The following SPIDR variants were observed in gnomAD, a reference collection of about 807,000 sequenced individuals.
The protein encoded by SPIDR is DNA repair-scaffolding protein.
A neutral mutation model predicts 104.6 loss-of-function variants in SPIDR; 93 were observed. The ratio of observed to expected loss-of-function variants is 0.89; its 90% confidence interval spans 0.75 to 1.06. The LOEUF is 1.06. SPIDR is among the 50% of genes least tolerant of loss of function. The pLI is 0.00. For missense variants in SPIDR, 1,154 were observed against 1,111.2 expected (o/e 1.04, Z -0.55); for synonymous variants, 431 against 416.9 (o/e 1.03, Z -0.41).
At chr8:47,452,730 T>C (rs1031467932) in intron 8 of SPIDR, among the ~76,000 whole-genome samples, 1 of 152,118 alleles carries the variant, frequency 6.6e-6, no homozygotes, top group Non-Finnish European at 1.5e-5. Flanking sequence ...TAAGAGCTAT[T>C]TATGACAGAC....
chr8:47,603,559 ATTTT>A (rs554738300), intron 10 of SPIDR, among the ~76,000 whole-genome samples: 1 of 133,548 alleles, frequency 7.5e-6, no homozygotes, highest in Non-Finnish European at 1.6e-5. Context: ...TACCCAGCTA[ATTTT>A]TTTTTTTTTT....
Position 47,279,304 on chromosome 8 carries a change from G to T in SPIDR, c.34-558G>T, listed in dbSNP as rs1554556681. 199 of 152,960 alleles carry T rather than the reference G, an allele frequency of 1.3e-3. 3 individuals carry two copies. Among genetic ancestry groups the T allele is most frequent in the Non-Finnish European group, 1.9e-3 (132 of 68,632 alleles). 9.5% of individuals were successfully genotyped at this position (152,960 alleles called of 1,614,324 possible). ...GACTCTGCTCATCTGGACCTTTTCT[G>T]TGTGTCTGCCACCCCTGTGCTGCTG... On this transcript the variant is annotated intron_variant, in intron 1 of 19. Coordinates refer to ENST00000297423, the MANE Select transcript of SPIDR (RefSeq NM_001080394.4).
intron 1 of SPIDR, among the ~76,000 whole-genome samples, chr8:47,266,562 C>G (rs2034097355): frequency 6.6e-6 from 1 of 152,166 alleles, no homozygotes; most frequent in African/African-American, 2.4e-5. Flanking sequence ...AATAAAACTG[C>G]TATAAACATT....
At chr8:47,417,797 T>A (rs2064631053) in intron 7 of SPIDR, among the ~76,000 whole-genome samples, 1 of 152,208 alleles carries the variant, frequency 6.6e-6, no homozygotes, top group Non-Finnish European at 1.5e-5. Context: ...AATTAATTTT[T>A]GTATAAGGTG....
chr8:47,393,777 T>C (rs1340212984), intron 5 of SPIDR, among the ~76,000 whole-genome samples: 4 of 150,268 alleles, frequency 2.7e-5, no homozygotes, highest in Non-Finnish European at 5.9e-5. Context: ...CTTTCTTTTC[T>C]TTTCCTTCCC....
At chr8:47,309,394 G>T (rs1382206788) in intron 5 of SPIDR, among the ~76,000 whole-genome samples, 1 of 152,062 alleles carries the variant, frequency 6.6e-6, no homozygotes, top group South Asian at 2.1e-4. Context: ...CATTATCTTA[G>T]TATAGCATTT....
intron 9 of SPIDR, 40 bp downstream of exon 9, chr8:47,596,046 A>G: frequency 1.3e-6 from 2 of 1,553,088 alleles, no homozygotes; most frequent in South Asian, 1.2e-5. Flanking sequence ...GCTTGTAATA[A>G]TGTTAGTGAC....
chr8:47,495,461 A>G (rs1051680094), intron 8 of SPIDR, among the ~76,000 whole-genome samples: 9 of 152,082 alleles, frequency 5.9e-5, no homozygotes, highest in South Asian at 2.1e-4. Flanking sequence ...GTGGTTTTTT[A>G]TATACTCACA....
At chr8:47,396,675 T>TA in intron 6 of SPIDR, 49 bp downstream of exon 6, 2 of 1,510,638 alleles carry the variant, frequency 1.3e-6, no homozygotes, top group Non-Finnish European at 1.8e-6. Context: ...TCTCTTTCTT[T>TA]AAAAACCCAA....
intron 8 of SPIDR, among the ~76,000 whole-genome samples, chr8:47,450,012 A>T (rs1427684369): frequency 6.6e-6 from 1 of 152,074 alleles, no homozygotes; most frequent in Non-Finnish European, 1.5e-5. Context: ...AAAAATACAA[A>T]AATTAGCCAG....
At chr8:47,565,062 C>T (rs1448932973) in intron 8 of SPIDR, among the ~76,000 whole-genome samples, 1 of 152,050 alleles carries the variant, frequency 6.6e-6, no homozygotes, top group Non-Finnish European at 1.5e-5. Context: ...GCCTGACCAA[C>T]ATGGAGAAAC....
At chr8:47,329,730 A>G (rs1192158830) in intron 5 of SPIDR, among the ~76,000 whole-genome samples, 8 of 152,170 alleles carry the variant, frequency 5.3e-5, no homozygotes, top group African/African-American at 1.9e-4. Context: ...AGAAGGGAAA[A>G]GAAAGGAGAG....
chr8:47,569,638 C>T (rs1476674678), intron 8 of SPIDR, among the ~76,000 whole-genome samples: 3 of 152,048 alleles, frequency 2.0e-5, no homozygotes, highest in African/African-American at 4.8e-5. Flanking sequence ...GGAGTTTCTA[C>T]CCAGGACAAT....
At chr8:47,732,962 G>T (rs76318439) in intron 19 of SPIDR, among the ~76,000 whole-genome samples, 3,238 of 152,278 alleles carry the variant, frequency 0.021, 87 homozygotes, top group East Asian at 0.082. Context: ...AAAAGTTAAA[G>T]GAACATATAT....
intron 5 of SPIDR, among the ~76,000 whole-genome samples, chr8:47,346,718 T>C (rs1486072302): frequency 1.3e-5 from 2 of 152,364 alleles, no homozygotes; most frequent in South Asian, 2.1e-4. Flanking sequence ...AATTTACCCA[T>C]TTCTTCTAGA....
intron 8 of SPIDR, among the ~76,000 whole-genome samples, chr8:47,576,243 C>T (rs886319599): frequency 7.9e-5 from 12 of 151,802 alleles, no homozygotes; most frequent in South Asian, 2.1e-4. Context: ...CCTCCGCCTC[C>T]GGGGTTCAAG....
intron 8 of SPIDR, among the ~76,000 whole-genome samples, chr8:47,501,972 CCTTG>C (rs2080539732): frequency 1.3e-5 from 2 of 152,140 alleles, no homozygotes; most frequent in Admixed American, 1.3e-4. Context: ...GTTGAACCAG[CCTTG>C]CATCCCAGGG....
intron 16 of SPIDR, among the ~76,000 whole-genome samples, chr8:47,716,809 G>A (rs2082648197): frequency 6.6e-6 from 1 of 152,178 alleles, no homozygotes; most frequent in African/African-American, 2.4e-5. Context: ...GCTGGGAGCA[G>A]TTATAAACCC....
intron 19 of SPIDR, chr8:47,729,674 T>C (rs748462786): frequency 1.4e-5 from 8 of 580,820 alleles, no homozygotes; most frequent in Non-Finnish European, 1.5e-5. Flanking sequence ...TTATTTTAGA[T>C]CATTGTTGAG....
Sources: allele counts gnomAD v4.1 joint callset (sites outside exome capture counted in the v4.1 genomes callset), GRCh38; gene constraint gnomAD v4.1.1; transcripts MANE v1.5; gene names NCBI Gene and HGNC (gene_info 2026-07-23, HGNC 2026-07-21).